SCNN1B: variants seen among roughly 807,000 people sequenced by gnomAD.
SCNN1B encodes sodium channel epithelial 1 subunit beta, also known as epithelial sodium channel subunit beta.
Under a neutral mutation model 65.3 loss-of-function variants are expected in SCNN1B, and 46 were observed. The ratio of observed to expected loss-of-function variants is 0.70; its 90% CI spans 0.56 to 0.90. The LOEUF (loss-of-function observed/expected upper bound fraction) is 0.90, where lower values mean the gene tolerates loss of function less well. Ranked by LOEUF, SCNN1B falls within the 40% of genes least tolerant of loss-of-function variation. The pLI is 0.00. For missense variants in SCNN1B, 751 were observed against 830.5 expected (o/e 0.90, Z 1.18); for synonymous variants, 349 against 330.6 (o/e 1.06, Z -0.60).
At position 23,313,583 on chromosome 16, in the gene SCNN1B, T is replaced by A. The variant is rs1472121018; in HGVS notation, c.-9+11146T>A. The stretch of plus-strand genomic sequence containing the variant: ...AATGGCTCTCTCCCCTACAGTATAA[T>A]AATAAAAATAAGCACCGATTTTTGT... On this transcript the variant is annotated intron_variant, in intron 1 of 12. Transcript: ENST00000343070. 2.0e-5 allele frequency among the ~76,000 whole-genome samples: 3 copies of A among 152,160 alleles called. No individual in the cohort carries two copies. The East Asian group carries it at 5.8e-4, about 29-fold the overall frequency.
At chr16:23,299,579 T>G (rs1299587184), upstream of SCNN1B, among the ~76,000 whole-genome samples, 1 of 152,152 alleles carries the variant, frequency 6.6e-6, no homozygotes, top group Non-Finnish European at 1.5e-5. Flanking sequence ...TCCCTGACAG[T>G]GCAAAAGCAA....
At chr16:23,321,104 G>C (rs1961577794) in intron 1 of SCNN1B, among the ~76,000 whole-genome samples, 1 of 152,160 alleles carries the variant, frequency 6.6e-6, no homozygotes, top group African/African-American at 2.4e-5. Flanking sequence ...GAGTGCAGTG[G>C]TATGATAGCC....
chr16:23,309,070 A>C (rs1335786095), intron 1 of SCNN1B, among the ~76,000 whole-genome samples: 1 of 152,130 alleles, frequency 6.6e-6, no homozygotes, highest in Non-Finnish European at 1.5e-5. Flanking sequence ...GCAAAGACAT[A>C]ATCTGGAGGG....
rs1320003403 is a variant in SCNN1B at position 23,348,450 on chromosome 16, A to G, written c.-8-142A>G. The G allele has an allele frequency of 3.0e-6, 2 of 662,756 alleles. No individual in the cohort carries two copies. The highest frequency in any genetic ancestry group is 2.9e-5 in the East Asian group (1 of 34,824). The allele number at this position is 662,756 out of a possible 1,614,324, so 41.1% of individuals were successfully genotyped here. A position where few individuals can be genotyped will look rare whatever the true frequency, so the allele number is the denominator to read the frequency against. On this transcript the variant is annotated intron_variant, in intron 1 of 12. Transcript: ENST00000343070. This position sits in a 1 kb window ranked among gnomAD's most constrained non-coding sequence, Gnocchi z 4.5. The stretch of plus-strand genomic sequence containing the variant: ...GCCAAAGGAAGGAAGAAAAGAAGGA[A>G]AAAAGGGAGGGAGGGAGGGGGGAGG...
At chr16:23,374,497 C>A (rs1474644149) in intron 7 of SCNN1B, among the ~76,000 whole-genome samples, 2 of 146,822 alleles carry the variant, frequency 1.4e-5, no homozygotes, top group African/African-American at 5.1e-5. Context: ...TCACTTGAAC[C>A]CAGGAGGTTG....
In SCNN1B at chr16:23,293,744, T is replaced by C. The variant is rs570132585; in HGVS notation, n.178+9940T>C. 5.1e-4 allele frequency among the ~76,000 whole-genome samples: 77 copies of C among 151,614 alleles called. 2 individuals are homozygous for C. In the South Asian group the frequency reaches 0.015, roughly 29 times the overall value. ...GAGTTTGAAATCAGCCGGGGCAACA[T>C]AGGGAGACCCCTTCTCTACAAAAAA... is the stretch of plus-strand genomic sequence containing the variant. On this transcript the variant is annotated intron_variant and non_coding_transcript_variant, in intron 2 of 3. Transcript: ENST00000569789.
intron 1 of SCNN1B, among the ~76,000 whole-genome samples, chr16:23,305,017 C>T (rs954555802): frequency 2.0e-5 from 3 of 152,070 alleles, no homozygotes; most frequent in African/African-American, 7.2e-5. Flanking sequence ...GGGGTGATGC[C>T]TAGAGCCACT....
At chr16:23,344,861 G>T (rs1962151631) in intron 1 of SCNN1B, among the ~76,000 whole-genome samples, 1 of 152,184 alleles carries the variant, frequency 6.6e-6, no homozygotes, top group Admixed American at 6.5e-5. Context: ...GGGCATGGTG[G>T]CATGCGCCTG....
intron 5 of SCNN1B, among the ~76,000 whole-genome samples, chr16:23,368,327 C>T (rs1962715035): frequency 6.6e-6 from 1 of 152,000 alleles, no homozygotes; most frequent in Non-Finnish European, 1.5e-5. Flanking sequence ...TTGTTCAAGC[C>T]CAAGAGTTCG....
rs879286451 is a variant in SCNN1B at position 23,365,607 on chromosome 16, A to AAGAGAG, written c.777-2246_777-2245insGAGAGA. Reference sequence around the variant, plus strand: ...AGAAAGAGAAAGAAAGAAAGAAAGAAAGAAAGAAAGAAAAAAGAAAGAAGT... The same window carrying AAGAGAG: ...AGAAAGAGAAAGAAAGAAAGAAAGAAAGAGAGAGAAAGAAAGAAAAAAGAAAGAAGT... On this transcript the variant is annotated intron_variant, in intron 4 of 12. Transcript: ENST00000343070. Among the ~76,000 whole-genome samples the AAGAGAG allele has an allele frequency of 3.1e-3, 240 of 76,798 alleles. 7 individuals carry two copies. Among genetic ancestry groups the AAGAGAG allele is most frequent in the South Asian group, 0.03 (55 of 1,830 alleles). The allele number at this position is 76,798 out of a possible 152,430, so 50.4% of individuals were successfully genotyped here.
intron 4 of SCNN1B, among the ~76,000 whole-genome samples, chr16:23,360,018 CAT>C (rs1343434491): frequency 1.3e-5 from 2 of 151,964 alleles, no homozygotes; most frequent in East Asian, 3.9e-4. Context: ...GCCTGGCAAA[CAT>C]AGTGAAACCC....
At position 23,380,661 on chromosome 16, in the gene SCNN1B, G is replaced by GC. The variant is rs758629218; in HGVS notation, c.1789dup (p.Arg597ProfsTer11). 1.9e-6 allele frequency: 3 copies of GC among 1,612,518 alleles called. No homozygotes were observed. ...CAACTTTGGCTTCCAGCCTGACACG[G>GC]CCCCCCGCAGCCCCAACACTGGGCC... On this transcript the variant is annotated frameshift_variant, in exon 13 of 13. Coordinates refer to ENST00000343070, the MANE Select transcript of SCNN1B (RefSeq NM_000336.3). LOFTEE classifies it low-confidence loss of function (END_TRUNC). The surrounding 1 kb of genome is among the most constrained non-coding windows in gnomAD (Gnocchi z 5.4).
At chr16:23,358,716 G>A (rs563411904) in intron 4 of SCNN1B, among the ~76,000 whole-genome samples, 166 of 152,264 alleles carry the variant, frequency 1.1e-3, no homozygotes, top group Non-Finnish European at 1.6e-3. Context: ...AGACCAGCCT[G>A]GACAACAAGG....
In SCNN1B at chr16:23,322,082, A is replaced by G. The variant is rs72774353; in HGVS notation, c.-9+19645A>G. On this transcript the variant is annotated intron_variant, in intron 1 of 12. Coordinates refer to ENST00000343070, the MANE Select transcript of SCNN1B (RefSeq NM_000336.3). ...TTAGTTATGTAAACTGCCCCGACAC[A>G]AACTCTCTCCCATTCCCTTGGAGCC... is the stretch of plus-strand genomic sequence containing the variant. Among the ~76,000 whole-genome samples the G allele has an allele frequency of 6.9e-3, 1,055 of 152,258 alleles. 7 individuals are homozygous for G. Among genetic ancestry groups the G allele is most frequent in the South Asian group, 0.024 (116 of 4,818 alleles).
At chr16:23,302,940 C>T (rs1009197651) in intron 1 of SCNN1B, among the ~76,000 whole-genome samples, 5 of 152,074 alleles carry the variant, frequency 3.3e-5, no homozygotes, top group African/African-American at 1.2e-4. Context: ...TCCCTACGTC[C>T]CAGGAACAAG....
At chr16:23,337,073 C>T (rs1267920631) in intron 1 of SCNN1B, among the ~76,000 whole-genome samples, 1 of 152,094 alleles carries the variant, frequency 6.6e-6, no homozygotes, top group Non-Finnish European at 1.5e-5. Context: ...ATTTTTTAGA[C>T]AGTGTCTTGC....
chr16:23,361,127 A>T (rs897729511), intron 4 of SCNN1B, among the ~76,000 whole-genome samples: 3 of 151,822 alleles, frequency 2.0e-5, no homozygotes, highest in African/African-American at 7.3e-5. Flanking sequence ...ACAGGGTTTC[A>T]CCATGTTTGC....
intron 2 of SCNN1B, among the ~76,000 whole-genome samples, chr16:23,352,322 T>C (rs919181710): frequency 3.3e-5 from 5 of 152,146 alleles, no homozygotes; most frequent in African/African-American, 9.7e-5. Context: ...TTCTTATACA[T>C]AGTGGCAGCC....
At chr16:23,310,456 G>A (rs1287803346) in intron 1 of SCNN1B, among the ~76,000 whole-genome samples, 1 of 152,064 alleles carries the variant, frequency 6.6e-6, no homozygotes, top group East Asian at 1.9e-4. Flanking sequence ...CAAGGTGGGA[G>A]GATTGCTTGC....
Sources: gnomAD v4.1 joint callset for allele counts (sites outside exome capture counted in the v4.1 genomes callset) on GRCh38, gnomAD v4.1.1 for gene constraint, Gnocchi (gnomAD v3.1) non-coding constraint, MANE v1.5 for transcripts, NCBI Gene and HGNC (gene_info 2026-07-23, HGNC 2026-07-21) for gene names.